Variants in FRMD6 observed in about 807,000 individuals in gnomAD.
The protein encoded by FRMD6 is FERM domain-containing protein 6.
In FRMD6, 37 loss-of-function variants were observed where a neutral mutation model predicts 73.2. The ratio of observed to expected loss-of-function variants is 0.51; its 90% CI spans 0.39 to 0.66. The LOEUF (loss-of-function observed/expected upper bound fraction) is 0.66, where lower values mean the gene tolerates loss of function less well. Among genes scored for constraint, FRMD6 ranks in the 30% least tolerant of loss-of-function variants. The pLI, the probability that FRMD6 is intolerant of heterozygous loss-of-function variation, is 0.00. For synonymous variants in FRMD6, 273 were observed against 282.2 expected (o/e 0.97, Z 0.33); for missense variants, 714 against 780.5 (o/e 0.91, Z 1.02).
the FRMD6 span, among the ~76,000 whole-genome samples, chr14:51,403,171 C>T: frequency 9.2e-5 from 14 of 152,288 alleles, no homozygotes; most frequent in Non-Finnish European, 1.5e-4. Context: ...AAAATACCAT[C>T]TACCTGGTTT....
At chr14:51,515,800 GT>G (rs10709991) in intron 1 of FRMD6, among the ~76,000 whole-genome samples, 55,044 of 151,836 alleles carry the variant, frequency 0.36, 10,170 homozygotes, top group African/African-American at 0.41. Flanking sequence ...AGGAAGTTGA[GT>G]TTTTTTTCAT....
intron 1 of FRMD6, among the ~76,000 whole-genome samples, chr14:51,552,633 C>T (rs1886905085): frequency 6.6e-6 from 1 of 152,220 alleles, no homozygotes. Context: ...ATGGCACCAG[C>T]TTGTTTTCTT....
chr14:51,706,274 T>C (rs1285797183), intron 6 of FRMD6, among the ~76,000 whole-genome samples: 1 of 152,122 alleles, frequency 6.6e-6, no homozygotes, highest in East Asian at 1.9e-4. Flanking sequence ...CTCCTCTCCC[T>C]GTCTTAGCTC....
the FRMD6 span, among the ~76,000 whole-genome samples, chr14:51,435,050 C>T: frequency 3.9e-5 from 6 of 152,076 alleles, no homozygotes; most frequent in Non-Finnish European, 5.9e-5. Flanking sequence ...ACATGACAAC[C>T]GAATACAATG....
chr14:51,621,029 T>G (rs1191682957), intron 2 of FRMD6, among the ~76,000 whole-genome samples: 3 of 152,210 alleles, frequency 2.0e-5, no homozygotes, highest in Non-Finnish European at 4.4e-5. Context: ...CAGTGGGGCT[T>G]TCACATCACT....
chr14:51,543,732 C>G (rs182764065), intron 1 of FRMD6, among the ~76,000 whole-genome samples: 4 of 151,926 alleles, frequency 2.6e-5, no homozygotes, highest in Non-Finnish European at 4.4e-5. Context: ...GAAAGAATTG[C>G]GAACTGTATT....
At chr14:51,610,694 A>G (rs1890457714) in intron 2 of FRMD6, among the ~76,000 whole-genome samples, 1 of 152,180 alleles carries the variant, frequency 6.6e-6, no homozygotes, top group African/African-American at 2.4e-5. Flanking sequence ...GGTATGGTCC[A>G]ATTTTGTGTA....
chr14:51,442,301 C>CCTTTCT, the FRMD6 span, among the ~76,000 whole-genome samples: 617 of 152,254 alleles, frequency 4.1e-3, 3 homozygotes, highest in African/African-American at 0.014. Context: ...CTTCCCTCCT[C>CCTTTCT]CTTTCTCTTT....
At chr14:51,473,912 A>G in the FRMD6 span, among the ~76,000 whole-genome samples, 5 of 151,886 alleles carry the variant, frequency 3.3e-5, no homozygotes, top group Non-Finnish European at 5.9e-5. Flanking sequence ...TCAAAGCTGC[A>G]TGACTCAAAG....
the FRMD6 span, among the ~76,000 whole-genome samples, chr14:51,449,064 T>TC: frequency 6.6e-6 from 1 of 152,170 alleles, no homozygotes; most frequent in Non-Finnish European, 1.5e-5. Flanking sequence ...TCATGTTTCA[T>TC]TAAAATAGAG....
At chr14:51,700,768 C>T (rs1014120151) in intron 3 of FRMD6, among the ~76,000 whole-genome samples, 1 of 151,904 alleles carries the variant, frequency 6.6e-6, no homozygotes, top group African/African-American at 2.4e-5. Flanking sequence ...CATAATGACC[C>T]TAGAAACTAA....
intron 2 of FRMD6, among the ~76,000 whole-genome samples, chr14:51,596,877 C>A (rs894949195): frequency 3.3e-5 from 5 of 152,122 alleles, no homozygotes; most frequent in Admixed American, 2.0e-4. Context: ...CAGACAGCAC[C>A]CCGCATGTAT....
chr14:51,637,868 A>T (rs536100261), intron 2 of FRMD6: 7 of 152,212 alleles, frequency 4.6e-5, no homozygotes, highest in Admixed American at 4.6e-4. Flanking sequence ...AGTCCATTCC[A>T]ATTTAACTCA....
chr14:51,467,424 T>A, the FRMD6 span, among the ~76,000 whole-genome samples: 1 of 152,236 alleles, frequency 6.6e-6, no homozygotes, highest in Non-Finnish European at 1.5e-5. Flanking sequence ...ACTTCCTCCC[T>A]TTCTGTTTGA....
chr14:51,462,241 G>A, the FRMD6 span, among the ~76,000 whole-genome samples: 1 of 152,248 alleles, frequency 6.6e-6, no homozygotes, highest in Admixed American at 6.5e-5. Context: ...GTGTGATCCA[G>A]TCATGTGACA....
intron 6 of FRMD6, 42 bp downstream of exon 6, chr14:51,704,977 G>A (rs773415338): frequency 1.3e-6 from 2 of 1,552,106 alleles, no homozygotes; most frequent in Admixed American, 1.8e-5. Context: ...TTTCTCTCGG[G>A]CATTTCTAGT....
At chr14:51,711,617 TC>T in intron 8 of FRMD6, 21 bp downstream of exon 8, 1 of 1,525,500 alleles carries the variant, frequency 6.6e-7, no homozygotes, top group Non-Finnish European at 9.1e-7. Context: ...GAGAATTGTG[TC>T]AAATGCTGTC....
intron 11 of FRMD6, 45 bp downstream of exon 11, chr14:51,720,435 T>C: frequency 6.3e-7 from 1 of 1,581,572 alleles, no homozygotes; most frequent in Non-Finnish European, 8.7e-7. Context: ...AGTCTCCCAG[T>C]TTTTTCAAGC....
intron 1 of FRMD6, chr14:51,491,652 A>T (rs763395733): frequency 2.0e-5 from 3 of 152,278 alleles, no homozygotes; most frequent in Non-Finnish European, 4.4e-5. Flanking sequence ...AAAACAAAAA[A>T]ATTTAAAAAA....
Sources: allele counts gnomAD v4.1 joint callset (sites outside exome capture counted in the v4.1 genomes callset), GRCh38; gene constraint gnomAD v4.1.1; transcripts MANE v1.5; gene names NCBI Gene and HGNC (gene_info 2026-07-23, HGNC 2026-07-21).